BEGAIN: variants seen among roughly 807,000 people sequenced by gnomAD.
The protein encoded by BEGAIN is brain-enriched guanylate kinase-associated protein.
Under a neutral mutation model 35.8 loss-of-function variants are expected in BEGAIN, and 19 were observed. That is an observed-to-expected ratio of 0.53 (90% CI 0.37 to 0.78). BEGAIN has a LOEUF of 0.78. Ranked by LOEUF, BEGAIN falls within the 30% of genes least tolerant of loss-of-function variation. BEGAIN has a pLI of 0.00. For missense variants in BEGAIN, 795 were observed against 853.6 expected, an observed-to-expected ratio of 0.93 and a Z score of 0.85; for synonymous variants, 462 against 388.6, an observed-to-expected ratio of 1.19 and a Z score of -2.22.
chr14:100,553,517 C>T (rs1426815553), intron 2 of BEGAIN, among the ~76,000 whole-genome samples: 1 of 152,202 alleles, frequency 6.6e-6, no homozygotes, highest in Non-Finnish European at 1.5e-5. Context: ...AGAGGGACAA[C>T]TGTCCCATAC....
intron 1 of BEGAIN, among the ~76,000 whole-genome samples, chr14:100,583,212 C>G (rs1372485057): frequency 6.6e-6 from 1 of 151,946 alleles, no homozygotes; most frequent in Non-Finnish European, 1.5e-5. Context: ...GCATCCATTG[C>G]TTTGTATCCA....
In BEGAIN at chr14:100,537,685, T is replaced by G; in HGVS notation, c.*284A>C. 2.4e-6 allele frequency: 1 copy of G among 417,424 alleles called. No individual in the cohort carries two copies. Among genetic ancestry groups the G allele is most frequent in the Admixed American group, 4.1e-5 (1 of 24,618 alleles). 25.9% of individuals were successfully genotyped at this position (417,424 alleles called of 1,614,324 possible). On this transcript the variant is annotated 3_prime_UTR_variant, in exon 7 of 7. Transcript: ENST00000554140. ...AGACCCTTTTTCTCTATAAAAATAG[T>G]TTCGCTTTATAAAAGGGGGGATGCT...
intron 2 of BEGAIN, among the ~76,000 whole-genome samples, chr14:100,554,379 T>G (rs1022054374): frequency 8.5e-5 from 13 of 152,128 alleles, no homozygotes; most frequent in African/African-American, 2.9e-4. Flanking sequence ...GGGCACAGCC[T>G]CTGTCTTCCC....
At chr14:100,577,549 C>A (rs894274757) in intron 1 of BEGAIN, 17 of 399,008 alleles carry the variant, frequency 4.3e-5, no homozygotes, top group Middle Eastern at 6.2e-4. Context: ...TGGGCTGCGG[C>A]CTCTGGGCAC....
intron 2 of BEGAIN, among the ~76,000 whole-genome samples, chr14:100,557,795 T>C (rs1239560079): frequency 6.6e-6 from 1 of 151,974 alleles, no homozygotes; most frequent in African/African-American, 2.4e-5. Flanking sequence ...TGCCTTCCCC[T>C]CCTGCCTCCC....
At chr14:100,561,890 A>G (rs1221563840) in intron 2 of BEGAIN, among the ~76,000 whole-genome samples, 3 of 152,062 alleles carry the variant, frequency 2.0e-5, no homozygotes, top group Non-Finnish European at 4.4e-5. Context: ...CCCCACCTGT[A>G]ACCCCAACCC....
intron 1 of BEGAIN, chr14:100,577,902 G>A (rs1289019413): frequency 1.0e-5 from 4 of 398,202 alleles, no homozygotes; most frequent in African/African-American, 8.4e-5. Context: ...CGTCCTGCCT[G>A]GGACAGGTAG....
chr14:100,545,104 C>A (rs1377970943), intron 3 of BEGAIN, 38 bp from the exon 4 acceptor site: 1 of 1,611,858 alleles, frequency 6.2e-7, no homozygotes. Context: ...CCATGCAAGG[C>A]CTGTCCCTCC....
intron 2 of BEGAIN, among the ~76,000 whole-genome samples, chr14:100,559,740 C>T (rs533195087): frequency 2.7e-4 from 41 of 152,338 alleles, no homozygotes; most frequent in African/African-American, 8.9e-4. Flanking sequence ...GCCCCCTCCA[C>T]GCCCTGGGTC....
At chr14:100,544,197 A>G (rs2032042053) in intron 4 of BEGAIN, among the ~76,000 whole-genome samples, 2 of 152,142 alleles carry the variant, frequency 1.3e-5, no homozygotes, top group South Asian at 4.1e-4. Context: ...TCAGTTTCTC[A>G]TGTGCAACAC....
chr14:100,542,119 C>T lies in BEGAIN; in HGVS notation c.409-1540G>A, dbSNP rs1042813637. 1.3e-5 allele frequency among the ~76,000 whole-genome samples: 2 copies of T among 152,148 alleles called. 1 individual carries two copies. The highest frequency in any genetic ancestry group is 4.1e-4 in the South Asian group (2 of 4,832). ...TCACGTTAAGAAGCACCTCCTGTCCCGAGCCCATGTCCTCCTGTCCTCCTG... is the reference window on the plus strand; with the variant it reads ...TCACGTTAAGAAGCACCTCCTGTCCTGAGCCCATGTCCTCCTGTCCTCCTG... On this transcript the variant is annotated intron_variant, in intron 5 of 6. Transcript: ENST00000554140.
chr14:100,563,771 G>C lies in BEGAIN; in HGVS notation c.71+4140C>G, dbSNP rs1016010946. On this transcript the variant is annotated intron_variant, in intron 2 of 6. Transcript: ENST00000554140. The surrounding 1 kb of genome is among the most constrained non-coding windows in gnomAD (Gnocchi z 4.2). ...ACCCGCACAGGAGTTTCCTAAGGTG[G>C]CCCAGGCTGCACAGTGCCCGGCAGT... Among the ~76,000 whole-genome samples the C allele has an allele frequency of 6.6e-6, 1 of 152,198 alleles. No individual in the cohort carries two copies. The highest frequency in any genetic ancestry group is 1.5e-5 in the Non-Finnish European group (1 of 68,038).
intron 3 of BEGAIN, 54 bp from the exon 4 acceptor site, chr14:100,545,120 C>A: frequency 3.1e-6 from 5 of 1,609,972 alleles, no homozygotes; most frequent in Non-Finnish European, 4.2e-6. Flanking sequence ...CCTCCCACGA[C>A]CCTTATGGCC....
intron 2 of BEGAIN, among the ~76,000 whole-genome samples, chr14:100,555,427 G>C (rs146830181): frequency 3.0e-4 from 45 of 152,350 alleles, no homozygotes; most frequent in African/African-American, 1.1e-3. Flanking sequence ...TCTGTCCTTT[G>C]TGTGGCCTGG....
intron 2 of BEGAIN, among the ~76,000 whole-genome samples, chr14:100,553,394 G>A (rs534099105): frequency 5.3e-5 from 8 of 152,112 alleles, no homozygotes; most frequent in African/African-American, 7.2e-5. Context: ...GGAGGAAGAC[G>A]GTGACAGCCA....
rs1326498571 is a variant in BEGAIN, at chr14:100,538,336, T to C, written c.1472A>G (p.Lys491Arg). The C allele has an allele frequency of 1.3e-6, 2 of 1,518,844 alleles. No homozygotes were observed. The highest frequency in any genetic ancestry group is 1.8e-6 in the Non-Finnish European group (2 of 1,140,838). The allele number at this position is 1,518,844 out of a possible 1,614,324, so 94.1% of individuals were successfully genotyped here. Residue 491 changes from lysine (K) to arginine (R), a missense_variant, in exon 7 of 7, where the codon AAG (lysine) becomes AGG (arginine). Around this residue, in one of 3 missense-constraint regions of BEGAIN, gnomAD observed 664 missense variants for 647.7 expected, o/e 1.03. Coordinates refer to ENST00000554140, the MANE Select transcript of BEGAIN (RefSeq NM_001385089.1). ...GRASPLYASY[K>R]ADSFSEGDDL... ...GTCCCCCTCGGAGAAGCTGTCGGCCTTGTAGCTGGCGTAGAGCGGGCTGGC... is the reference window on the plus strand; with the variant it reads ...GTCCCCCTCGGAGAAGCTGTCGGCCCTGTAGCTGGCGTAGAGCGGGCTGGC...
intron 1 of BEGAIN, among the ~76,000 whole-genome samples, chr14:100,578,585 T>C (rs938405114): frequency 2.0e-5 from 3 of 152,236 alleles, no homozygotes; most frequent in African/African-American, 7.2e-5. Context: ...GCCAATGAAC[T>C]ATAAACAGAA....
Position 100,568,854 on chromosome 14 carries a change from A to C in BEGAIN, c.43-915T>G. On this transcript the variant is annotated intron_variant, in intron 1 of 6. Transcript: ENST00000554140. The surrounding 1 kb of genome is among the most constrained non-coding windows in gnomAD (Gnocchi z 7.5). ...CCCGTCTTTCTGTGCCGTGACTGGC[A>C]CTCAAGGGGGACAGGGGTCCGAGCT... is the stretch of plus-strand genomic sequence containing the variant. 1 of 986,450 alleles carries C rather than the reference A, an allele frequency of 1.0e-6. No homozygotes were observed. The highest frequency in any genetic ancestry group is 1.2e-6 in the Non-Finnish European group (1 of 831,118). The allele number at this position is 986,450 out of a possible 1,614,324, so 61.1% of individuals were successfully genotyped here.
At position 100,576,421 on chromosome 14, in the gene BEGAIN, A is replaced by G. The variant is rs370506790; in HGVS notation, c.43-8482T>C. On this transcript the variant is annotated intron_variant, in intron 1 of 6. Transcript: ENST00000554140. ...TGGGGTTGCGCCCAAGCTGGGGGTC[A>G]GAAGCTGAGAACACTAGTCAATGCT... is the stretch of plus-strand genomic sequence containing the variant. 1.2e-3 allele frequency among the ~76,000 whole-genome samples: 186 copies of G among 152,332 alleles called. 1 individual carries two copies. The highest frequency in any genetic ancestry group is 4.3e-3 in the African/African-American group (178 of 41,572).
Sources: allele counts gnomAD v4.1 joint callset (sites outside exome capture counted in the v4.1 genomes callset), GRCh38; gene constraint gnomAD v4.1.1; regional missense constraint gnomAD v4.1.1; non-coding constraint Gnocchi (gnomAD v3.1); transcripts MANE v1.5; gene names NCBI Gene and HGNC (gene_info 2026-07-23, HGNC 2026-07-21).